Variants in LINGO2 observed in about 807,000 individuals in gnomAD.
LINGO2 encodes leucine rich repeat and Ig domain containing 2.
In LINGO2, 14 loss-of-function variants were observed where a neutral mutation model predicts 30.6. That is an observed-to-expected ratio of 0.46 (90% CI 0.30 to 0.72). The LOEUF (loss-of-function observed/expected upper bound fraction) is 0.72, where lower values mean the gene tolerates loss of function less well. LINGO2 is among the 30% of genes least tolerant of loss of function. The probability of loss-of-function intolerance (pLI) is 0.07; values close to 1 mark genes in which losing one functional copy is unlikely to be tolerated. For missense variants in LINGO2, 729 were observed against 751.7 expected (o/e 0.97, Z 0.35); for synonymous variants, 317 against 288.5 (o/e 1.10, Z -1.00).
intron 4 of LINGO2, among the ~76,000 whole-genome samples, chr9:28,293,839 T>C (rs190838607): frequency 4.5e-4 from 69 of 152,204 alleles, no homozygotes; most frequent in African/African-American, 1.6e-3. Context: ...GTATTTTCGC[T>C]ACAGTTATGT....
At chr9:28,209,166 T>C (rs1264057010) in intron 4 of LINGO2, among the ~76,000 whole-genome samples, 1 of 152,076 alleles carries the variant, frequency 6.6e-6, no homozygotes, top group East Asian at 1.9e-4. Flanking sequence ...CCTTTCGTGA[T>C]CTTATTTATC....
the LINGO2 span, among the ~76,000 whole-genome samples, chr9:29,025,593 T>C: frequency 1.5e-4 from 23 of 152,314 alleles, 1 homozygote; most frequent in East Asian, 2.9e-3. Context: ...TACTGTATGA[T>C]GTTTTGAAGT....
At chr9:27,948,734 G>A (rs1823468018) in exon 6 of LINGO2, 1 of 1,227,248 alleles carries the variant, frequency 8.1e-7, no homozygotes, top group African/African-American at 1.5e-5. Flanking sequence ...CATAGACCCT[G>A]CTTTTGATAC....
chr9:28,418,310 G>T (rs960428545), intron 2 of LINGO2, among the ~76,000 whole-genome samples: 3 of 116,950 alleles, frequency 2.6e-5, no homozygotes, highest in African/African-American at 7.0e-5. Flanking sequence ...ATGGGGTTTC[G>T]CTCTGTAGCC....
intron 1 of LINGO2, among the ~76,000 whole-genome samples, chr9:28,543,398 G>C (rs1197240541): frequency 6.6e-6 from 1 of 151,908 alleles, no homozygotes; most frequent in Non-Finnish European, 1.5e-5. Context: ...TTCATAATTA[G>C]AAAGACAGTT....
At chr9:28,456,167 T>C (rs1266690121) in intron 2 of LINGO2, among the ~76,000 whole-genome samples, 1 of 152,198 alleles carries the variant, frequency 6.6e-6, no homozygotes, top group Admixed American at 6.5e-5. Context: ...ACATAAACTT[T>C]ATTGAGGTAA....
rs1824231013 is a variant in LINGO2 at position 28,442,305 on chromosome 9, C to T, written c.-279+33635G>A. ...ACCAACCGAAATCCTACCACCAAGACATAACCACTTTAAGTTTTTGGTTTG... is the reference window on the plus strand; with the variant it reads ...ACCAACCGAAATCCTACCACCAAGATATAACCACTTTAAGTTTTTGGTTTG... On this transcript the variant is annotated intron_variant, in intron 2 of 5. Transcript: ENST00000379992. 2.0e-5 allele frequency among the ~76,000 whole-genome samples: 3 copies of T among 151,926 alleles called. No individual in the cohort carries two copies. In the South Asian group the frequency reaches 6.3e-4, roughly 32 times the overall value.
intron 4 of LINGO2, among the ~76,000 whole-genome samples, chr9:28,071,532 C>A (rs973140570): frequency 6.6e-6 from 1 of 150,978 alleles, no homozygotes; most frequent in Non-Finnish European, 1.5e-5. Flanking sequence ...TGTACTTTCC[C>A]AACTATTCTT....
chr9:28,908,009 T>C, the LINGO2 span, among the ~76,000 whole-genome samples: 1 of 151,752 alleles, frequency 6.6e-6, no homozygotes, highest in Non-Finnish European at 1.5e-5. Context: ...GGGATATAGG[T>C]TTCCTCAGCA....
At chr9:29,072,926 C>T in the LINGO2 span, among the ~76,000 whole-genome samples, 6 of 148,728 alleles carry the variant, frequency 4.0e-5, no homozygotes, top group East Asian at 2.0e-4. Flanking sequence ...CTCTAGCGCT[C>T]TCTCTCTCTT....
At chr9:28,173,949 T>C (rs1587138657) in intron 4 of LINGO2, among the ~76,000 whole-genome samples, 1 of 152,208 alleles carries the variant, frequency 6.6e-6, no homozygotes, top group East Asian at 1.9e-4. Context: ...GTATTCTTTA[T>C]AGTCCACCAA....
At chr9:28,955,899 C>T in the LINGO2 span, among the ~76,000 whole-genome samples, 1 of 152,066 alleles carries the variant, frequency 6.6e-6, no homozygotes, top group African/African-American at 2.4e-5. Context: ...CACCTTGGCA[C>T]TGGGATTACA....
At chr9:28,080,527 A>C (rs10757709) in intron 4 of LINGO2, 3 of 152,148 alleles carry the variant, frequency 2.0e-5, no homozygotes, top group Admixed American at 2.0e-4. Flanking sequence ...ACCTCCTTAA[A>C]AAAAATTCCT....
rs147354912 is a variant in LINGO2, at chr9:28,098,070, C to T, written c.-86-85665G>A. On this transcript the variant is annotated intron_variant, in intron 4 of 5. Coordinates refer to ENST00000379992, the Ensembl canonical transcript of LINGO2. Reference sequence around the variant, plus strand: ...CTGTAATCCCAATACTACGGGAGGCCGTGGAGAGTGCATCACTTGAGGTCA... The same window carrying T: ...CTGTAATCCCAATACTACGGGAGGCTGTGGAGAGTGCATCACTTGAGGTCA... Among the ~76,000 whole-genome samples, 745 of 152,132 alleles carry T rather than the reference C, an allele frequency of 4.9e-3. 8 individuals are homozygous for T. The highest frequency in any genetic ancestry group is 0.017 in the African/African-American group (686 of 41,504).
At chr9:28,641,688 T>C (rs1827589980) in intron 1 of LINGO2, among the ~76,000 whole-genome samples, 1 of 152,130 alleles carries the variant, frequency 6.6e-6, no homozygotes, top group Non-Finnish European at 1.5e-5. Context: ...TTAAATAAGA[T>C]ATACCAAGAG....
At chr9:28,165,115 T>A (rs563559387) in intron 4 of LINGO2, among the ~76,000 whole-genome samples, 3 of 152,198 alleles carry the variant, frequency 2.0e-5, no homozygotes, top group Non-Finnish European at 4.4e-5. Context: ...GACCTCTTAA[T>A]CTTTCATTGT....
chr9:27,991,213 T>C (rs1243160813), intron 5 of LINGO2, among the ~76,000 whole-genome samples: 1 of 151,994 alleles, frequency 6.6e-6, no homozygotes, highest in Non-Finnish European at 1.5e-5. Context: ...GGACTCTGGT[T>C]GAATACAATG....
At chr9:28,467,659 A>G (rs1363770251) in intron 2 of LINGO2, among the ~76,000 whole-genome samples, 1 of 151,988 alleles carries the variant, frequency 6.6e-6, no homozygotes, top group Non-Finnish European at 1.5e-5. Context: ...ATTACATATT[A>G]TTATTTTTTA....
intron 1 of LINGO2, among the ~76,000 whole-genome samples, chr9:28,652,294 G>A (rs1439710570): frequency 2.0e-5 from 3 of 151,886 alleles, no homozygotes; most frequent in Non-Finnish European, 4.4e-5. Flanking sequence ...TATTAATTGT[G>A]ATTTTTTCTT....
Sources: gnomAD v4.1 joint callset for allele counts (sites outside exome capture counted in the v4.1 genomes callset) on GRCh38, gnomAD v4.1.1 for gene constraint, MANE v1.5 for transcripts, NCBI Gene and HGNC (gene_info 2026-07-23, HGNC 2026-07-21) for gene names.